The following KSR2 variants were observed in gnomAD, a reference collection of about 807,000 sequenced individuals.
KSR2 encodes kinase suppressor of ras 2.
A neutral mutation model predicts 107.8 loss-of-function variants in KSR2; 25 were observed. That is an observed-to-expected ratio of 0.23 (90% confidence interval 0.17 to 0.32). The LOEUF is 0.32. KSR2 is among the 10% of genes least tolerant of loss of function. KSR2 has a pLI of 1.00. For synonymous variants in KSR2, 480 were observed against 507.0 expected (o/e 0.95, Z 0.71); for missense variants, 887 against 1,268.9 (o/e 0.70, Z 4.57).
At chr12:117,606,593 CTTCT>C (rs1264600088) in intron 5 of KSR2, among the ~76,000 whole-genome samples, 61 of 5,462 alleles carry the variant, frequency 0.011, 1 homozygote, top group East Asian at 0.056. Context: ...TTCTTCCTTC[CTTCT>C]TTCCTCCTTC....
At chr12:117,559,556 G>C (rs1047053955) in intron 7 of KSR2, among the ~76,000 whole-genome samples, 5 of 152,148 alleles carry the variant, frequency 3.3e-5, no homozygotes, top group Admixed American at 6.5e-5. Flanking sequence ...GGGTCCCAAA[G>C]GTGGCCGCTC....
rs140759359 is a variant in KSR2, at chr12:117,714,734, C to T, written c.986+46277G>A. 3.3e-5 allele frequency among the ~76,000 whole-genome samples: 5 copies of T among 152,194 alleles called. 1 individual carries two copies. Among genetic ancestry groups the T allele is most frequent in the Admixed American group, 6.5e-5 (1 of 15,282 alleles). On this transcript the variant is annotated intron_variant, in intron 4 of 19. Coordinates refer to ENST00000339824, the MANE Select transcript of KSR2 (RefSeq NM_173598.6). ...GACAAATTTGTCCTCTAGGGGACAT[C>T]GGACAATGTCAAAAGACATTTTTGG...
chr12:117,490,120 G>A (rs966130149), intron 14 of KSR2, among the ~76,000 whole-genome samples: 4 of 152,174 alleles, frequency 2.6e-5, no homozygotes, highest in Non-Finnish European at 5.9e-5. Context: ...GGACCAGCTC[G>A]TGGATGCATA....
In KSR2 at chr12:117,605,866, C is replaced by T. The variant is rs1276885642; in HGVS notation, c.1172-23507G>A. Among the ~76,000 whole-genome samples the T allele has an allele frequency of 3.9e-5, 6 of 152,200 alleles. No individual in the cohort carries two copies. In the East Asian group the frequency reaches 7.7e-4, roughly 20 times the overall value. The stretch of plus-strand genomic sequence containing the variant: ...GAAACGATTATCCTCAGCAAACTAA[C>T]GCAGGAAGAGAAAACCAAACACAGC... On this transcript the variant is annotated intron_variant, in intron 5 of 19. Transcript: ENST00000339824.
intron 1 of KSR2, among the ~76,000 whole-genome samples, chr12:117,963,676 T>C (rs2137616155): frequency 6.6e-6 from 1 of 152,340 alleles, no homozygotes; most frequent in Admixed American, 6.5e-5. Context: ...TTCTATCTCC[T>C]TCCACAAAGG....
chr12:117,931,240 T>TTGGCC (rs1448811673), intron 1 of KSR2, among the ~76,000 whole-genome samples: 1 of 152,142 alleles, frequency 6.6e-6, no homozygotes, highest in African/African-American at 2.4e-5. Flanking sequence ...AGATAGCACT[T>TTGGCC]TGGCCTAGCC....
chr12:117,857,216 G>A (rs1193140500), intron 2 of KSR2, among the ~76,000 whole-genome samples: 1 of 152,042 alleles, frequency 6.6e-6, no homozygotes, highest in Non-Finnish European at 1.5e-5. Context: ...GCACCAACAT[G>A]CCTGGCTAAT....
At chr12:117,621,134 G>A (rs1882175006) in intron 5 of KSR2, among the ~76,000 whole-genome samples, 1 of 152,110 alleles carries the variant, frequency 6.6e-6, no homozygotes, top group Non-Finnish European at 1.5e-5. Flanking sequence ...TACTGTTCAT[G>A]ATAGCAAATG....
intron 7 of KSR2, among the ~76,000 whole-genome samples, chr12:117,577,498 G>C (rs759589554): frequency 1.3e-5 from 2 of 152,164 alleles, no homozygotes; most frequent in Non-Finnish European, 2.9e-5. Flanking sequence ...AGGCAGGCAA[G>C]ATTATTATAT....
chr12:117,531,079 T>C, intron 11 of KSR2, 66 bp from the exon 12 acceptor site: 1 of 1,290,312 alleles, frequency 7.8e-7, no homozygotes, highest in Non-Finnish European at 1.1e-6. Flanking sequence ...AAAGGCCTGA[T>C]TCCTGGGCGA....
chr12:117,715,096 C>A (rs183022500), intron 4 of KSR2, among the ~76,000 whole-genome samples: 2 of 152,034 alleles, frequency 1.3e-5, no homozygotes, highest in Non-Finnish European at 2.9e-5. Flanking sequence ...TACATAAATT[C>A]TCATCTAAAT....
At chr12:117,739,264 A>G (rs1279138126) in intron 4 of KSR2, among the ~76,000 whole-genome samples, 1 of 151,922 alleles carries the variant, frequency 6.6e-6, no homozygotes, top group Non-Finnish European at 1.5e-5. Context: ...CTGAGGCAGG[A>G]GAATGGCGTG....
chr12:117,638,834 C>T lies in KSR2; in HGVS notation c.1171+28640G>A, dbSNP rs375240276. On this transcript the variant is annotated intron_variant, in intron 5 of 19. Transcript: ENST00000339824. ...CATGAGGCAAGTGAGGAAAAACCTCCAGCACAAAATTTAAGGGGATATCCA... is the reference window on the plus strand; with the variant it reads ...CATGAGGCAAGTGAGGAAAAACCTCTAGCACAAAATTTAAGGGGATATCCA... 3.3e-5 allele frequency among the ~76,000 whole-genome samples: 5 copies of T among 152,168 alleles called. No homozygotes were observed. In the South Asian group the frequency reaches 1.0e-3, roughly 32 times the overall value.
At chr12:117,748,768 T>C (rs1455699518) in intron 4 of KSR2, among the ~76,000 whole-genome samples, 1 of 152,172 alleles carries the variant, frequency 6.6e-6, no homozygotes, top group African/African-American at 2.4e-5. Context: ...ATGACCTTTA[T>C]CCCTGTCTTA....
At chr12:117,901,581 G>T (rs1894685531) in intron 1 of KSR2, among the ~76,000 whole-genome samples, 1 of 151,920 alleles carries the variant, frequency 6.6e-6, no homozygotes, top group Non-Finnish European at 1.5e-5. Context: ...GCAATTATAG[G>T]CATGAGCCAC....
intron 1 of KSR2, among the ~76,000 whole-genome samples, chr12:117,957,039 G>T (rs1001404931): frequency 1.5e-4 from 23 of 152,214 alleles, no homozygotes; most frequent in African/African-American, 5.5e-4. Flanking sequence ...TTTAGAGACA[G>T]ATTAAGTATT....
Position 117,571,364 on chromosome 12 carries a change from C to T in KSR2, c.1325+7755G>A, listed in dbSNP as rs76158377. On this transcript the variant is annotated intron_variant, in intron 7 of 19. Coordinates refer to ENST00000339824, the MANE Select transcript of KSR2 (RefSeq NM_173598.6). ...AGGTGAATCCAGTCTCAGCCTCATC[C>T]CATGGGGATTTCTGCAGGAAAAACT... Among the ~76,000 whole-genome samples the T allele has an allele frequency of 5.5e-3, 841 of 152,266 alleles. 9 individuals carry two copies. Among genetic ancestry groups the T allele is most frequent in the African/African-American group, 0.019 (799 of 41,554 alleles).
At chr12:117,775,355 C>G (rs1889650989) in intron 3 of KSR2, among the ~76,000 whole-genome samples, 1 of 152,206 alleles carries the variant, frequency 6.6e-6, no homozygotes, top group Admixed American at 6.5e-5. Flanking sequence ...GTCATCATAG[C>G]CATCCTAGTG....
chr12:117,870,407 C>A (rs1313459086), intron 1 of KSR2, among the ~76,000 whole-genome samples: 3 of 152,090 alleles, frequency 2.0e-5, no homozygotes, highest in African/African-American at 7.2e-5. Flanking sequence ...TCAAGACCAG[C>A]CTGGCCAACA....
Sources: allele counts gnomAD v4.1 joint callset (sites outside exome capture counted in the v4.1 genomes callset), GRCh38; gene constraint gnomAD v4.1.1; transcripts MANE v1.5; gene names NCBI Gene and HGNC (gene_info 2026-07-23, HGNC 2026-07-21).